The following PCDHA4 variants were observed in gnomAD, a reference collection of about 807,000 sequenced individuals.
PCDHA4 encodes the protein protocadherin alpha-4.
PCDHA4 carries 49 observed loss-of-function variants against 61.4 expected under a neutral mutation model. That is an observed-to-expected ratio of 0.80 (90% CI 0.63 to 1.01). The LOEUF (loss-of-function observed/expected upper bound fraction) is 1.01, where lower values mean the gene tolerates loss of function less well. PCDHA4 is among the 50% of genes least tolerant of loss of function. PCDHA4 has a pLI of 0.00. For missense variants in PCDHA4, 1,254 were observed against 1,235.8 expected (o/e 1.01, Z -0.22); for synonymous variants, 590 against 550.3 (o/e 1.07, Z -1.01).
chr5:140,868,981 G>T, intron 1 of PCDHA4: 1 of 1,492,270 alleles, frequency 6.7e-7, no homozygotes, highest in Non-Finnish European at 9.0e-7. Context: ...CATCATACCG[G>T]ATGCCACCGT....
intron 3 of PCDHA4, among the ~76,000 whole-genome samples, chr5:141,009,257 C>G (rs1375950001): frequency 6.6e-6 from 1 of 152,136 alleles, no homozygotes; most frequent in Non-Finnish European, 1.5e-5. Flanking sequence ...GTGTTTGAGA[C>G]CAGCCTGGGC....
intron 1 of PCDHA4, chr5:140,876,824 A>G (rs1554168970): frequency 1.2e-6 from 2 of 1,614,116 alleles, no homozygotes; most frequent in Non-Finnish European, 1.7e-6. Context: ...GTGAACGACA[A>G]TGCGCCTGCG....
intron 3 of PCDHA4, among the ~76,000 whole-genome samples, chr5:140,988,428 G>A (rs1186229744): frequency 6.6e-6 from 1 of 152,160 alleles, no homozygotes; most frequent in Non-Finnish European, 1.5e-5. Context: ...GAATTTGTTT[G>A]TTTTGGATTG....
In PCDHA4 at chr5:140,937,572, G is replaced by C. The variant is rs113857647; in HGVS notation, c.2386-41377G>C. On this transcript the variant is annotated intron_variant, in intron 1 of 3. Transcript: ENST00000530339. ...GCAGAGGTTGCAGTGAGCTGGGATC[G>C]CGTCACTGCACTCTAGCCTGGGCAA... Among the ~76,000 whole-genome samples, 273 of 151,500 alleles carry C rather than the reference G, an allele frequency of 1.8e-3. 1 individual carries two copies. Among genetic ancestry groups the C allele is most frequent in the African/African-American group, 6.4e-3 (263 of 41,048 alleles).
intron 1 of PCDHA4, among the ~76,000 whole-genome samples, chr5:140,963,550 A>G (rs1484541648): frequency 6.6e-6 from 1 of 152,202 alleles, no homozygotes; most frequent in Non-Finnish European, 1.5e-5. Context: ...TGATATAAAA[A>G]GGGGCTGTTT....
At chr5:140,856,761 C>A (rs377564040) in intron 1 of PCDHA4, 2 of 1,596,482 alleles carry the variant, frequency 1.3e-6, no homozygotes, top group African/African-American at 2.7e-5. Context: ...AATGATAACG[C>A]CCCTATCTTT....
At position 140,876,190 on chromosome 5, in the gene PCDHA4, C is replaced by T. The variant is rs782463342; in HGVS notation, c.2385+66618C>T. Reference sequence around the variant, plus strand: ...CGTCCTGGATGTGAATGACAATGGTCCGGCGTTTGATAAGCCCAGCTATAA... The same window carrying T: ...CGTCCTGGATGTGAATGACAATGGTTCGGCGTTTGATAAGCCCAGCTATAA... On this transcript the variant is annotated intron_variant, in intron 1 of 3. Coordinates refer to ENST00000530339, the MANE Select transcript of PCDHA4 (RefSeq NM_018907.4). 3.7e-6 allele frequency: 6 copies of T among 1,613,936 alleles called. No individual in the cohort carries two copies. The Admixed American group carries it at 5.0e-5, about 13-fold the overall frequency.
intron 1 of PCDHA4, chr5:140,870,717 T>G: frequency 6.2e-7 from 1 of 1,613,180 alleles, no homozygotes. Flanking sequence ...GCGCGCGCGA[T>G]GCGGGCGTGC....
At chr5:140,998,548 T>A (rs904925148) in intron 3 of PCDHA4, among the ~76,000 whole-genome samples, 7 of 149,880 alleles carry the variant, frequency 4.7e-5, no homozygotes, top group African/African-American at 1.7e-4. Context: ...CCTAATTTAA[T>A]GTCTAATTTA....
At chr5:140,973,665 T>C (rs1309458037) in intron 1 of PCDHA4, among the ~76,000 whole-genome samples, 2 of 152,248 alleles carry the variant, frequency 1.3e-5, no homozygotes, top group Non-Finnish European at 2.9e-5. Context: ...CTATTTATTG[T>C]AGCTTGAATG....
In PCDHA4 at chr5:141,010,181, C is replaced by G; in HGVS notation, c.*244C>G. The G allele has an allele frequency of 2.6e-6, 4 of 1,554,386 alleles. No individual in the cohort carries two copies. Among genetic ancestry groups the G allele is most frequent in the Non-Finnish European group, 3.5e-6 (4 of 1,148,120 alleles). On this transcript the variant is annotated 3_prime_UTR_variant, in exon 4 of 4. Transcript: ENST00000530339. ...TTGTTTTCAGAACCTAAAAAGCAGA[C>G]CCAAGTTTCCTTTCTCCTCCGCCGC... is the stretch of plus-strand genomic sequence containing the variant.
intron 1 of PCDHA4, among the ~76,000 whole-genome samples, chr5:140,970,530 T>C (rs1554232541): frequency 6.6e-6 from 1 of 151,424 alleles, no homozygotes; most frequent in Non-Finnish European, 1.5e-5. Context: ...GATGAATATG[T>C]GTGTGTGTTT....
chr5:140,892,448 A>G (rs973072554), intron 1 of PCDHA4, among the ~76,000 whole-genome samples: 13 of 152,292 alleles, frequency 8.5e-5, no homozygotes, highest in African/African-American at 2.9e-4. Context: ...ATTTACATGT[A>G]TTCTTTAAGT....
intron 1 of PCDHA4, chr5:140,853,539 T>A: frequency 1.0e-6 from 1 of 979,080 alleles, no homozygotes; most frequent in South Asian, 4.8e-5. Context: ...TCTTTTCAAG[T>A]TGTAATTACT....
chr5:140,882,124 C>T (rs1166492594), intron 1 of PCDHA4: 2 of 1,459,646 alleles, frequency 1.4e-6, no homozygotes, highest in African/African-American at 1.4e-5. Flanking sequence ...CCGTTTCTTT[C>T]TTCCTGCAGA....
intron 1 of PCDHA4, among the ~76,000 whole-genome samples, chr5:140,903,228 C>T (rs1417505177): frequency 1.3e-5 from 2 of 152,112 alleles, no homozygotes; most frequent in Non-Finnish European, 2.9e-5. Flanking sequence ...ACATCTATTA[C>T]TTTTTGATTT....
intron 1 of PCDHA4, among the ~76,000 whole-genome samples, chr5:140,818,625 C>T (rs1282616464): frequency 6.6e-6 from 1 of 152,102 alleles, no homozygotes; most frequent in Non-Finnish European, 1.5e-5. Flanking sequence ...TTGCTTGAGC[C>T]CAGGAGTTCA....
chr5:140,828,642 T>C (rs1769868175), intron 1 of PCDHA4: 1 of 1,614,010 alleles, frequency 6.2e-7, no homozygotes, highest in Non-Finnish European at 8.5e-7. Flanking sequence ...GATGTGAAAA[T>C]AAACAGTGAT....
intron 1 of PCDHA4, chr5:140,878,013 G>A (rs1554170262): frequency 2.4e-6 from 2 of 839,000 alleles, no homozygotes; most frequent in South Asian, 2.6e-5. Context: ...TAACATTAAT[G>A]AAGGAAATAT....
Sources: allele counts gnomAD v4.1 joint callset (sites outside exome capture counted in the v4.1 genomes callset), GRCh38; gene constraint gnomAD v4.1.1; transcripts MANE v1.5; gene names NCBI Gene and HGNC (gene_info 2026-07-23, HGNC 2026-07-21).